Variants in KDM4C observed in about 807,000 individuals in gnomAD.
KDM4C encodes lysine demethylase 4C, also known as lysine-specific demethylase 4C.
Under a neutral mutation model 129.3 loss-of-function variants are expected in KDM4C, and 81 were observed. That is an observed-to-expected ratio of 0.63 (90% CI 0.52 to 0.75). The LOEUF (loss-of-function observed/expected upper bound fraction) is 0.75. Ranked by LOEUF, KDM4C falls within the 30% of genes least tolerant of loss-of-function variation. The pLI is 0.00. For missense variants in KDM4C, 1,457 were observed against 1,304.0 expected, an observed-to-expected ratio of 1.12 and a Z score of -1.81; for synonymous variants, 573 against 456.1, an observed-to-expected ratio of 1.26 and a Z score of -3.26.
intron 20 of KDM4C, among the ~76,000 whole-genome samples, chr9:7,168,321 T>C (rs1201412774): frequency 6.6e-6 from 1 of 152,182 alleles, no homozygotes; most frequent in Non-Finnish European, 1.5e-5. Flanking sequence ...TTTTCATTTC[T>C]TTAAAAAATT....
intron 20 of KDM4C, among the ~76,000 whole-genome samples, chr9:7,165,910 G>T (rs1365177170): frequency 6.6e-6 from 1 of 152,196 alleles, no homozygotes; most frequent in Non-Finnish European, 1.5e-5. Flanking sequence ...TCAGTTGGAC[G>T]TTCTGTTCAC....
chr9:6,807,486 T>C (rs535000046), intron 3 of KDM4C, among the ~76,000 whole-genome samples: 68 of 145,044 alleles, frequency 4.7e-4, no homozygotes, highest in African/African-American at 1.7e-3. Context: ...GGAGCGTCTC[T>C]GCCCGGCCGC....
chr9:6,923,922 G>C (rs1159458774), intron 8 of KDM4C, among the ~76,000 whole-genome samples: 5 of 152,150 alleles, frequency 3.3e-5, no homozygotes, highest in Admixed American at 3.3e-4. Flanking sequence ...AGAGACCGAT[G>C]CTTATGGCTG....
At chr9:7,069,592 G>A (rs958697003) in intron 17 of KDM4C, among the ~76,000 whole-genome samples, 1 of 152,154 alleles carries the variant, frequency 6.6e-6, no homozygotes, top group Non-Finnish European at 1.5e-5. Flanking sequence ...CAGTTCTAAA[G>A]TTTTGTCTCT....
chr9:6,841,817 G>A (rs1010647550), intron 4 of KDM4C, among the ~76,000 whole-genome samples: 16 of 152,172 alleles, frequency 1.1e-4, no homozygotes, highest in African/African-American at 3.9e-4. Flanking sequence ...CTGGCAAATG[G>A]CTAAGTTCTA....
In KDM4C at chr9:6,951,278, C is replaced by G. The variant is rs189879831; in HGVS notation, c.922-29647C>G. On this transcript the variant is annotated intron_variant, in intron 8 of 21. Transcript: ENST00000381309. Reference sequence around the variant, plus strand: ...GAACACTAGAACTTATTGCTTCTATCTAGCTGTAACTTTGTATCCTTTAAC... The same window carrying G: ...GAACACTAGAACTTATTGCTTCTATGTAGCTGTAACTTTGTATCCTTTAAC... Among the ~76,000 whole-genome samples, 5 of 152,312 alleles carry G rather than the reference C, an allele frequency of 3.3e-5. No homozygotes were observed. The East Asian group carries it at 7.7e-4, about 23-fold the overall frequency.
In KDM4C at chr9:6,970,670, G is replaced by A. The variant is rs1259270711; in HGVS notation, c.922-10255G>A. ...GGTGTGATAACTTTGTGGCTAAAAT[G>A]ACTTAGAATAGTTGAGAAGCCATTT... On this transcript the variant is annotated intron_variant, in intron 8 of 21. Coordinates refer to ENST00000381309, the MANE Select transcript of KDM4C (RefSeq NM_015061.6). Among the ~76,000 whole-genome samples the A allele has an allele frequency of 2.0e-5, 3 of 152,188 alleles. No homozygotes were observed. The East Asian group carries it at 5.8e-4, about 29-fold the overall frequency.
At chr9:6,989,101 G>A (rs923731365) in intron 11 of KDM4C, among the ~76,000 whole-genome samples, 1 of 152,120 alleles carries the variant, frequency 6.6e-6, no homozygotes, top group Non-Finnish European at 1.5e-5. Flanking sequence ...TGTCTTCTTG[G>A]CTGTGTTATA....
chr9:7,087,580 G>A (rs777253448), intron 17 of KDM4C, among the ~76,000 whole-genome samples: 1 of 152,072 alleles, frequency 6.6e-6, no homozygotes, highest in Non-Finnish European at 1.5e-5. Flanking sequence ...TTTTGTTAAA[G>A]AGGATTATGG....
chr9:6,985,870 T>G (rs1056519449), intron 10 of KDM4C, among the ~76,000 whole-genome samples: 1 of 152,198 alleles, frequency 6.6e-6, no homozygotes, highest in Admixed American at 6.5e-5. Context: ...TTTATATTTT[T>G]AGTAGAGCTG....
In KDM4C at chr9:6,805,764, A is replaced by G. The variant is rs1367263566; in HGVS notation, c.310A>G (p.Asn104Asp). ...TGTGAAGGAGTTCAGGCAGCTGGCC[A>G]ACAGTGGCAAGTGAGTAGAATCAGT... ...MTVKEFRQLANSGKYCTPRYL... is the reference protein window; with the variant it reads ...MTVKEFRQLADSGKYCTPRYL... Residue 104 changes from asparagine to aspartate, a missense_variant, in exon 3 of 22, where the codon AAC becomes GAC. Asn to Asp is a conservative substitution (Grantham distance 23). Transcript: ENST00000381309. 6.2e-7 allele frequency: 1 copy of G among 1,611,646 alleles called. No individual in the cohort carries two copies. The highest frequency in any genetic ancestry group is 8.5e-7 in the Non-Finnish European group (1 of 1,179,338).
chr9:6,828,929 ACTCTT>A (rs1385981351), intron 4 of KDM4C, among the ~76,000 whole-genome samples: 3 of 152,086 alleles, frequency 2.0e-5, no homozygotes, highest in African/African-American at 7.2e-5. Flanking sequence ...TTCTCTTTTC[ACTCTT>A]CTCTTTACCT....
intron 1 of KDM4C, among the ~76,000 whole-genome samples, chr9:6,759,306 C>G (rs1024635125): frequency 6.6e-6 from 1 of 152,162 alleles, no homozygotes; most frequent in Non-Finnish European, 1.5e-5. Context: ...GGCAGCTTGG[C>G]TTTACTGTTT....
At chr9:7,083,371 T>C (rs1834754688) in intron 17 of KDM4C, among the ~76,000 whole-genome samples, 1 of 152,244 alleles carries the variant, frequency 6.6e-6, no homozygotes, top group Non-Finnish European at 1.5e-5. Flanking sequence ...GGATTAGATA[T>C]ATTCAGTGTG....
chr9:6,986,214 T>C, intron 10 of KDM4C, 130 bp from the exon 11 acceptor site: 1 of 631,282 alleles, frequency 1.6e-6, no homozygotes, highest in South Asian at 2.0e-5. Flanking sequence ...TTTGTGTGTG[T>C]GCATGTATGT....
intron 4 of KDM4C, chr9:6,834,863 C>T: frequency 7.5e-7 from 1 of 1,339,860 alleles, no homozygotes; most frequent in Non-Finnish European, 1.1e-6. Context: ...CATGGCCATC[C>T]AGCCCGTGCT....
chr9:6,817,146 A>T (rs1482360958), intron 4 of KDM4C, among the ~76,000 whole-genome samples: 1 of 151,712 alleles, frequency 6.6e-6, no homozygotes, highest in Admixed American at 6.6e-5. Flanking sequence ...GTTACTTAAG[A>T]AAATAAAGTT....
At chr9:6,865,836 T>C (rs1283227559) in intron 5 of KDM4C, among the ~76,000 whole-genome samples, 2 of 152,112 alleles carry the variant, frequency 1.3e-5, no homozygotes, top group African/African-American at 2.4e-5. Flanking sequence ...CTGCAAGCTC[T>C]GCTTCCCGGG....
At chr9:6,728,912 A>G (rs950192087) in intron 1 of KDM4C, among the ~76,000 whole-genome samples, 1 of 151,762 alleles carries the variant, frequency 6.6e-6, no homozygotes, top group Non-Finnish European at 1.5e-5. Context: ...ATTGTATGAA[A>G]AAAAGGAAGA....
Sources: gnomAD v4.1 joint callset for allele counts (sites outside exome capture counted in the v4.1 genomes callset) on GRCh38, gnomAD v4.1.1 for gene constraint, MANE v1.5 for transcripts, NCBI Gene and HGNC (gene_info 2026-07-23, HGNC 2026-07-21) for gene names.